The following ABCA7 variants were observed in gnomAD, a reference collection of about 807,000 sequenced individuals.
ABCA7 encodes the protein ATP binding cassette subfamily A member 7.
A neutral mutation model predicts 227.6 loss-of-function variants in ABCA7; 261 were observed. That is an observed-to-expected ratio of 1.15 (90% CI 1.04 to 1.27). The LOEUF is 1.27. Among genes scored for constraint, ABCA7 ranks in the 50% most tolerant of loss-of-function variants. ABCA7 has a pLI of 0.00. For synonymous variants in ABCA7, 1,488 were observed against 1,279.7 expected, an observed-to-expected ratio of 1.16 and a Z score of -3.47; for missense variants, 3,331 against 2,924.5, an observed-to-expected ratio of 1.14 and a Z score of -3.21.
chr19:1,064,785 G>C, intron 45 of ABCA7, 146 bp from the exon 46 acceptor site: 1 of 1,316,612 alleles, frequency 7.6e-7, no homozygotes, highest in Non-Finnish European at 1.0e-6. Context: ...GGCGGGGGGT[G>C]GCGGGGGACT....
chr19:1,046,369 C>A lies in ABCA7; in HGVS notation c.1585C>A (p.Leu529Met). 6.3e-7 allele frequency: 1 copy of A among 1,591,270 alleles called. No individual in the cohort carries two copies. Residue 529 changes from leucine (L) to methionine (M), a missense_variant, in exon 13 of 47, where the codon CTG becomes ATG. Physicochemically the swap from Leu to Met is conservative, Grantham distance 15 (BLOSUM62 2). Coordinates refer to ENST00000263094, the MANE Select transcript of ABCA7 (RefSeq NM_019112.4). ...SGANPRAGLYLQQMPYPCYVD... is the reference protein window; with the variant it reads ...SGANPRAGLYMQQMPYPCYVD... ...CGCCAACCCCCGGGCCGGCCTCTAC[C>A]TGCAGCAGATGCCCTATCCGTGCTA...
intron 18 of ABCA7, among the ~76,000 whole-genome samples, chr19:1,050,042 C>T (rs537442317): frequency 6.2e-4 from 92 of 148,330 alleles, no homozygotes; most frequent in African/African-American, 2.3e-3. Flanking sequence ...CCTGTGAGGC[C>T]CCCGACCAGT....
chr19:1,056,596 C>T lies in ABCA7; in HGVS notation c.4586+97C>T. On this transcript the variant is annotated intron_variant, in intron 33 of 46. Coordinates refer to ENST00000263094, the MANE Select transcript of ABCA7 (RefSeq NM_019112.4). This position sits in a 1 kb window ranked among gnomAD's most constrained non-coding sequence, Gnocchi z 4.3. ...GGTGGGAGCTGGATTTGAACCCTGA[C>T]ACACTCTTGCTTTATAAATGGGGGA... The T allele has an allele frequency of 1.4e-6, 2 of 1,393,220 alleles. No homozygotes were observed. The highest frequency in any genetic ancestry group is 1.9e-6 in the Non-Finnish European group (2 of 1,029,544). 86.3% of individuals were successfully genotyped at this position (1,393,220 alleles called of 1,614,324 possible). A position where few individuals can be genotyped will look rare whatever the true frequency, so the allele number is the denominator to read the frequency against.
At chr19:1,060,209 T>TATATATATATATATATATA (rs3971800) in intron 40 of ABCA7, among the ~76,000 whole-genome samples, 3 of 33,848 alleles carry the variant, frequency 8.9e-5, no homozygotes, top group African/African-American at 3.8e-4. Flanking sequence ...ATATATATAT[T>TATATATATATATATATATA]TTTTTTTCTT....
rs973085537 is a variant in ABCA7 at position 1,061,492 on chromosome 19, C to T, written c.5464-290C>T. 2.4e-4 allele frequency among the ~76,000 whole-genome samples: 36 copies of T among 150,198 alleles called. 1 individual carries two copies. The highest frequency in any genetic ancestry group is 6.9e-4 in the African/African-American group (28 of 40,556). On this transcript the variant is annotated intron_variant, in intron 40 of 46. Transcript: ENST00000263094. ...CAGGCGGATCACAAGGTCAAGAGATCGAGACCATCCTGGCCAACACGGTGA... is the reference window on the plus strand; with the variant it reads ...CAGGCGGATCACAAGGTCAAGAGATTGAGACCATCCTGGCCAACACGGTGA...
Position 1,054,195 on chromosome 19 carries a change from G to T in ABCA7, c.3580G>T (p.Gly1194Trp). 1.9e-6 allele frequency: 3 copies of T among 1,609,674 alleles called. No homozygotes were observed. The highest frequency in any genetic ancestry group is 2.5e-6 in the Non-Finnish European group (3 of 1,177,880). Reference sequence around the variant, plus strand: ...ACTGACCCTCTCATCCCTCACAGCTGGGTCAGCCCCAGAGACTGACCAGGG... The same window carrying T: ...ACTGACCCTCTCATCCCTCACAGCTTGGTCAGCCCCAGAGACTGACCAGGG... Reference protein sequence around the residue: ...ETALENGEPAGSAPETDQGSG... With the variant: ...ETALENGEPAWSAPETDQGSG... The change falls in exon 27 of 47, where the codon GGG becomes TGG. Residue 1194 changes from glycine to tryptophan, a missense_variant and splice_region_variant. Physicochemically the swap from Gly to Trp is radical, Grantham distance 184 (BLOSUM62 -2). Transcript: ENST00000263094. This position sits in a 1 kb window ranked among gnomAD's most constrained non-coding sequence, Gnocchi z 4.8.
Position 1,041,216 on chromosome 19 carries a change from T to C in ABCA7, c.-137-9T>C, listed in dbSNP as rs1276999126. On this transcript the variant is annotated splice_polypyrimidine_tract_variant and intron_variant, in intron 1 of 46. Coordinates refer to ENST00000263094, the MANE Select transcript of ABCA7 (RefSeq NM_019112.4). Reference sequence around the variant, plus strand: ...ATCGAGTGACTACTGTTTGCCTCGCTCTAATCAGAGCTTCCAGGAACCCTG... The same window carrying C: ...ATCGAGTGACTACTGTTTGCCTCGCCCTAATCAGAGCTTCCAGGAACCCTG... 25 of 844,946 alleles carry C rather than the reference T, an allele frequency of 3.0e-5. No homozygotes were observed. In the Admixed American group the frequency reaches 4.5e-4, roughly 15 times the overall value. 52.3% of individuals were successfully genotyped at this position (844,946 alleles called of 1,614,324 possible).
At chr19:1,048,854 T>C (rs566685714) in intron 16 of ABCA7, 41 bp from the exon 17 acceptor site, 4 of 1,197,026 alleles carry the variant, frequency 3.3e-6, no homozygotes, top group Non-Finnish European at 4.7e-6. Flanking sequence ...GGTACACTCC[T>C]GGGGGGTGGG....
Position 1,054,173 on chromosome 19 carries a change from G to C in ABCA7, c.3578-20G>C. ...ACCCCCCCACAGCAGCGTGAGCACTGACCCTCTCATCCCTCACAGCTGGGT... is the reference window on the plus strand; with the variant it reads ...ACCCCCCCACAGCAGCGTGAGCACTCACCCTCTCATCCCTCACAGCTGGGT... On this transcript the variant is annotated intron_variant, in intron 26 of 46. Coordinates refer to ENST00000263094, the MANE Select transcript of ABCA7 (RefSeq NM_019112.4). This position sits in a 1 kb window ranked among gnomAD's most constrained non-coding sequence, Gnocchi z 4.8. 6.2e-7 allele frequency: 1 copy of C among 1,611,366 alleles called. No individual in the cohort carries two copies. Among genetic ancestry groups the C allele is most frequent in the Non-Finnish European group, 8.5e-7 (1 of 1,179,058 alleles).
chr19:1,044,990 C>G lies in ABCA7; in HGVS notation c.1216-12C>G. 1 of 1,611,882 alleles carries G rather than the reference C, an allele frequency of 6.2e-7. No homozygotes were observed. On this transcript the variant is annotated splice_polypyrimidine_tract_variant and intron_variant, in intron 11 of 46. Coordinates refer to ENST00000263094, the MANE Select transcript of ABCA7 (RefSeq NM_019112.4). Reference sequence around the variant, plus strand: ...GACCCCAGCGCCTAGGACTCACCCCCGCATCCCACAGTGCCTGTCCTTGGA... The same window carrying G: ...GACCCCAGCGCCTAGGACTCACCCCGGCATCCCACAGTGCCTGTCCTTGGA...
rs137969988 is a variant in ABCA7, at chr19:1,051,999, G to A, written c.3020G>A (p.Arg1007His). 54 of 1,612,210 alleles carry A rather than the reference G, an allele frequency of 3.3e-5. No homozygotes were observed. The highest frequency in any genetic ancestry group is 2.1e-4 in the African/African-American group (16 of 75,030). ...GATGAGGCAGAGCTGCTGGGAGACC[G>A]TGTGGCCGTGGTGGCAGGTGGCCGC... ...HLDEAELLGD[R>H]VAVVAGGRLC... Residue 1007 changes from arginine to histidine, a missense_variant, in exon 22 of 47, where the codon CGT (arginine) becomes CAT (histidine). Coordinates refer to ENST00000263094, the MANE Select transcript of ABCA7 (RefSeq NM_019112.4).
rs369855340 is a variant in ABCA7, at chr19:1,054,679, A to G, written c.3836A>G (p.Gln1279Arg). 58 of 1,612,830 alleles carry G rather than the reference A, an allele frequency of 3.6e-5. No homozygotes were observed. The highest frequency in any genetic ancestry group is 4.7e-5 in the Non-Finnish European group (55 of 1,179,574). ...LRLSPTMYGAQVSFFSEDAPG... is the reference protein window; with the variant it reads ...LRLSPTMYGARVSFFSEDAPG... Reference sequence around the variant, plus strand: ...CTCAGTCCCACCATGTACGGTGCTCAGGTGTCCTTCTTCAGGTGGGTGCAG... The same window carrying G: ...CTCAGTCCCACCATGTACGGTGCTCGGGTGTCCTTCTTCAGGTGGGTGCAG... The change falls in exon 28 of 47, where the codon CAG becomes CGG. Residue 1279 changes from glutamine to arginine, a missense_variant. Coordinates refer to ENST00000263094, the MANE Select transcript of ABCA7 (RefSeq NM_019112.4). This position sits in a 1 kb window ranked among gnomAD's most constrained non-coding sequence, Gnocchi z 4.8.
In ABCA7 at chr19:1,050,954, T is replaced by G. The variant is rs1017535287; in HGVS notation, c.2586T>G (p.Gly862=). 7.4e-6 allele frequency: 12 copies of G among 1,611,490 alleles called. No individual in the cohort carries two copies. Among genetic ancestry groups the G allele is most frequent in the African/African-American group, 4.0e-5 (3 of 74,914 alleles). Reference sequence around the variant, plus strand: ...TGAGTGGCCTCTTCCCACCCAGTGGTGGCTCTGCCTTCATCCTGGGCCACG... The same window carrying G: ...TGAGTGGCCTCTTCCCACCCAGTGGGGGCTCTGCCTTCATCCTGGGCCACG... ...SILSGLFPPS[G]GSAFILGHDV... The change falls in exon 19 of 47, where the codon GGT becomes GGG. Residue 862 remains glycine, a synonymous_variant. Coordinates refer to ENST00000263094, the MANE Select transcript of ABCA7 (RefSeq NM_019112.4).
rs201046251 is a variant in ABCA7 at position 1,051,530 on chromosome 19, G to C, written c.2906G>C (p.Gly969Ala). The C allele has an allele frequency of 3.1e-6, 5 of 1,612,688 alleles. No individual in the cohort carries two copies. The African/African-American group carries it at 5.3e-5, about 17-fold the overall frequency. ...GTTATCCTGGACGAGCCTACGGCTG[G>C]CGTGGATCCTGCTTCCCGCCGCGGT... Reference protein sequence around the residue: ...QVVILDEPTAGVDPASRRGIW... With the variant: ...QVVILDEPTAAVDPASRRGIW... The change falls in exon 21 of 47, where the codon GGC (glycine) becomes GCC (alanine). Residue 969 changes from glycine to alanine, a missense_variant. By Grantham distance (60) the Gly-to-Ala change is moderately conservative. Coordinates refer to ENST00000263094, the MANE Select transcript of ABCA7 (RefSeq NM_019112.4).
rs749544192 is a variant in ABCA7 at position 1,054,368 on chromosome 19, G to C, written c.3726+27G>C. The stretch of plus-strand genomic sequence containing the variant: ...TGAGGAGGGCTAGCACCAGGGAGTC[G>C]CATGGGAGTCCCTGAGTTCCCTACC... On this transcript the variant is annotated intron_variant, in intron 27 of 46. Transcript: ENST00000263094. This position sits in a 1 kb window ranked among gnomAD's most constrained non-coding sequence, Gnocchi z 4.8. 3.2e-6 allele frequency: 5 copies of C among 1,573,944 alleles called. No individual in the cohort carries two copies. Among genetic ancestry groups the C allele is most frequent in the Non-Finnish European group, 4.3e-6 (5 of 1,164,234 alleles).
chr19:1,053,366 G>A lies in ABCA7; in HGVS notation c.3258G>A (p.Val1086=), dbSNP rs2041947243. 3 of 1,609,390 alleles carry A rather than the reference G, an allele frequency of 1.9e-6. No individual in the cohort carries two copies. The highest frequency in any genetic ancestry group is 2.2e-5 in the South Asian group (2 of 90,818). The change falls in exon 24 of 47, where the codon GTG becomes GTA. Residue 1086 remains valine (V), a synonymous_variant. Transcript: ENST00000263094. ...PQLLALVQHW[V]PGARLVEELP... ...TGCTGGCCCTGGTACAGCACTGGGT[G>A]CCCGGGGCACGGCTGGTGGAGGAGC...
At chr19:1,040,407 G>C (rs1171724798) in intron 1 of ABCA7, among the ~76,000 whole-genome samples, 3 of 152,118 alleles carry the variant, frequency 2.0e-5, no homozygotes, top group Non-Finnish European at 4.4e-5. Flanking sequence ...CACACCTGCA[G>C]CCCCCTGCCC....
At chr19:1,053,860 CT>C in intron 25 of ABCA7, 24 bp downstream of exon 25, 14 of 1,605,090 alleles carry the variant, frequency 8.7e-6, no homozygotes, top group Non-Finnish European at 1.1e-5. Flanking sequence ...TCCCTGACCC[CT>C]GACCCCAGTC....
chr19:1,064,785 GGC>G, intron 45 of ABCA7, 144 bp from the exon 46 acceptor site: 1 of 1,316,612 alleles, frequency 7.6e-7, no homozygotes, highest in Non-Finnish European at 1.0e-6. Flanking sequence ...GGCGGGGGGT[GGC>G]GGGGGACTGA....
Sources: gnomAD v4.1 joint callset for allele counts (sites outside exome capture counted in the v4.1 genomes callset) on GRCh38, gnomAD v4.1.1 for gene constraint, Gnocchi (gnomAD v3.1) non-coding constraint, MANE v1.5 for transcripts, NCBI Gene and HGNC (gene_info 2026-07-23, HGNC 2026-07-21) for gene names.